CROT: variants seen among roughly 807,000 people sequenced by gnomAD.
The protein encoded by CROT is peroxisomal carnitine O-octanoyltransferase.
Under a neutral mutation model 89.2 loss-of-function variants are expected in CROT, and 84 were observed. That is an observed-to-expected ratio of 0.94 (90% CI 0.79 to 1.13). CROT has a LOEUF of 1.13. Ranked by LOEUF, CROT falls within the 50% of genes most tolerant of loss-of-function variation. The pLI, the probability that CROT is intolerant of heterozygous loss-of-function variation, is 0.00. For missense variants in CROT, 711 were observed against 727.8 expected (o/e 0.98, Z 0.27); for synonymous variants, 212 against 239.5 (o/e 0.89, Z 1.06).
intron 6 of CROT, among the ~76,000 whole-genome samples, chr7:87,364,039 G>A (rs1471014435): frequency 1.3e-5 from 2 of 152,206 alleles, no homozygotes; most frequent in Non-Finnish European, 1.5e-5. Flanking sequence ...GGAAATATTG[G>A]GAGGAGATGA....
chr7:87,377,963 G>A (rs1241709308), intron 10 of CROT, among the ~76,000 whole-genome samples: 1 of 152,006 alleles, frequency 6.6e-6, no homozygotes, highest in Non-Finnish European at 1.5e-5. Context: ...CTTCTCCTCT[G>A]TTCCCCTCCC....
chr7:87,363,397 C>T (rs1806342235), intron 6 of CROT, among the ~76,000 whole-genome samples: 1 of 152,154 alleles, frequency 6.6e-6, no homozygotes, highest in African/African-American at 2.4e-5. Context: ...CAGGGAAGGC[C>T]TCTCCAAGGA....
chr7:87,395,143 T>G (rs2116223229), intron 17 of CROT, among the ~76,000 whole-genome samples: 1 of 152,296 alleles, frequency 6.6e-6, no homozygotes, highest in South Asian at 2.1e-4. Context: ...AGCTGCAAGC[T>G]GAGGGGCAAG....
chr7:87,377,780 A>G (rs1337116660), intron 10 of CROT, among the ~76,000 whole-genome samples: 1 of 152,162 alleles, frequency 6.6e-6, no homozygotes, highest in Non-Finnish European at 1.5e-5. Context: ...TATGTGTTCT[A>G]TGCAGAGCAA....
chr7:87,375,535 A>C, intron 7 of CROT, 97 bp from the exon 8 acceptor site: 1 of 795,550 alleles, frequency 1.3e-6, no homozygotes, highest in Non-Finnish European at 2.0e-6. Flanking sequence ...AATATATCCA[A>C]ACATTTAAAT....
chr7:87,376,060 ACTTTTTCT>A (rs1472837898), intron 9 of CROT, 107 bp downstream of exon 9: 2 of 1,080,848 alleles, frequency 1.9e-6, no homozygotes, highest in Non-Finnish European at 2.6e-6. Context: ...GGCTCTTGAA[ACTTTTTCT>A]TAGTTATACA....
chr7:87,383,319 A>G (rs949788835), intron 13 of CROT, among the ~76,000 whole-genome samples: 1 of 151,916 alleles, frequency 6.6e-6, no homozygotes, highest in South Asian at 2.1e-4. Context: ...CTTCCACGAG[A>G]TCAATTTTTT....
At chr7:87,346,033 C>T (rs1303721137) in intron 1 of CROT, among the ~76,000 whole-genome samples, 2 of 152,130 alleles carry the variant, frequency 1.3e-5, no homozygotes, top group African/African-American at 4.8e-5. Context: ...TCTCATTGCC[C>T]TCTGCTCCTG....
intron 6 of CROT, among the ~76,000 whole-genome samples, chr7:87,365,346 T>C (rs999330916): frequency 3.3e-5 from 5 of 152,012 alleles, no homozygotes; most frequent in African/African-American, 1.2e-4. Context: ...AAAATTTAGC[T>C]GGGCACAGTG....
At chr7:87,362,404 T>C (rs802029) in intron 6 of CROT, among the ~76,000 whole-genome samples, 25,464 of 151,338 alleles carry the variant, frequency 0.17, 2,975 homozygotes, top group African/African-American at 0.33. Context: ...ACAAGTGGTC[T>C]TCCTGCCTCA....
chr7:87,365,548 G>T (rs2115859370), intron 6 of CROT, among the ~76,000 whole-genome samples: 1 of 151,112 alleles, frequency 6.6e-6, no homozygotes, highest in Admixed American at 6.6e-5. Context: ...GATGGGATGG[G>T]CAGAATTTAA....
Position 87,375,678 on chromosome 7 carries a change from C to A in CROT, c.703C>A (p.Pro235Thr), listed in dbSNP as rs748387087. 1 of 1,613,552 alleles carries A rather than the reference C, an allele frequency of 6.2e-7. No individual in the cohort carries two copies. The highest frequency in any genetic ancestry group is 1.1e-5 in the South Asian group (1 of 91,070). ...HKKCHSEPDG[P>T]GIAALTSEER... ...GAAGTGCCATAGTGAACCTGATGGA[C>A]CTGGGATTGCAGCATTAACTAGTGA... The change falls in exon 8 of 18, where the codon CCT (proline) becomes ACT (threonine). Residue 235 changes from proline (P) to threonine (T), a missense_variant. Transcript: ENST00000331536.
intron 2 of CROT, among the ~76,000 whole-genome samples, 193 bp from the exon 3 acceptor site, chr7:87,348,855 A>T (rs1329656110): frequency 1.3e-5 from 2 of 152,202 alleles, no homozygotes; most frequent in Non-Finnish European, 2.9e-5. Context: ...TACTTCTAGC[A>T]CTTTGTGTCT....
At chr7:87,362,925 C>T (rs185980267) in intron 6 of CROT, among the ~76,000 whole-genome samples, 1 of 151,876 alleles carries the variant, frequency 6.6e-6, no homozygotes, top group South Asian at 2.1e-4. Context: ...GTCCTCAAGC[C>T]CACATATATT....
chr7:87,347,447 A>T (rs1308481166), intron 2 of CROT, among the ~76,000 whole-genome samples: 5 of 152,240 alleles, frequency 3.3e-5, no homozygotes, highest in African/African-American at 1.2e-4. Context: ...TGGTTGCCCT[A>T]GGGGCACATG....
chr7:87,385,884 T>A (rs1807169076), intron 13 of CROT, among the ~76,000 whole-genome samples: 1 of 152,228 alleles, frequency 6.6e-6, no homozygotes, highest in East Asian at 1.9e-4. Flanking sequence ...ATTTTTTTTA[T>A]CATGAAGGTA....
At chr7:87,391,141 G>A (rs369251575) in intron 13 of CROT, among the ~76,000 whole-genome samples, 33 of 152,278 alleles carry the variant, frequency 2.2e-4, no homozygotes, top group Middle Eastern at 3.4e-3. Context: ...CCTCTCCATC[G>A]GGCAGCCCTC....
chr7:87,354,806 A>G (rs1237802696), intron 3 of CROT, among the ~76,000 whole-genome samples: 2 of 152,232 alleles, frequency 1.3e-5, no homozygotes, highest in Non-Finnish European at 2.9e-5. Flanking sequence ...AATACCATAA[A>G]AAAATCTTGT....
At chr7:87,365,464 T>A (rs189529910) in intron 6 of CROT, among the ~76,000 whole-genome samples, 4 of 145,498 alleles carry the variant, frequency 2.7e-5, no homozygotes, top group Non-Finnish European at 6.0e-5. Context: ...CACTCCGGCC[T>A]GGGCGGCAGA....
Sources: gnomAD v4.1 joint callset for allele counts (sites outside exome capture counted in the v4.1 genomes callset) on GRCh38, gnomAD v4.1.1 for gene constraint, MANE v1.5 for transcripts, NCBI Gene and HGNC (gene_info 2026-07-23, HGNC 2026-07-21) for gene names.